Variants in ROBO2 observed in about 807,000 individuals in gnomAD.
The protein encoded by ROBO2 is roundabout guidance receptor 2.
ROBO2 carries 53 observed loss-of-function variants against 160.8 expected under a neutral mutation model. The observed-to-expected ratio is 0.33, with a 90% confidence interval of 0.26 to 0.41. The LOEUF (loss-of-function observed/expected upper bound fraction) is 0.41. Ranked by LOEUF, ROBO2 falls within the 10% of genes least tolerant of loss-of-function variation. The pLI is 1.00. For synonymous variants in ROBO2, 664 were observed against 611.7 expected (o/e 1.09, Z -1.26); for missense variants, 1,577 against 1,722.4 (o/e 0.92, Z 1.49).
chr3:76,071,223 T>C (rs2068443147), intron 2 of ROBO2, among the ~76,000 whole-genome samples: 1 of 152,210 alleles, frequency 6.6e-6, no homozygotes, highest in East Asian at 1.9e-4. Context: ...CATAAATGCT[T>C]TCTTGAGATC....
intron 2 of ROBO2, among the ~76,000 whole-genome samples, chr3:77,228,040 T>G (rs1035663760): frequency 1.3e-5 from 2 of 152,216 alleles, no homozygotes; most frequent in African/African-American, 4.8e-5. Context: ...ATGTTTGACT[T>G]CCTATTTGAC....
chr3:76,736,206 C>T (rs927938172), intron 2 of ROBO2, among the ~76,000 whole-genome samples: 83 of 151,426 alleles, frequency 5.5e-4, no homozygotes, highest in African/African-American at 1.9e-3. Flanking sequence ...GGGGGGAACC[C>T]GGGAGGCGGA....
intron 2 of ROBO2, among the ~76,000 whole-genome samples, chr3:77,374,533 C>A (rs2072352127): frequency 6.6e-6 from 1 of 152,068 alleles, no homozygotes; most frequent in Non-Finnish European, 1.5e-5. Context: ...AAAATATTGC[C>A]ATTTAAACTT....
chr3:77,020,636 C>G (rs747444933), intron 2 of ROBO2, among the ~76,000 whole-genome samples: 1 of 152,102 alleles, frequency 6.6e-6, no homozygotes, highest in African/African-American at 2.4e-5. Flanking sequence ...TATCTAATAT[C>G]AACAACCAAA....
intron 1 of ROBO2, among the ~76,000 whole-genome samples, chr3:77,056,139 C>T (rs2065720616): frequency 6.6e-6 from 1 of 152,124 alleles, no homozygotes; most frequent in Non-Finnish European, 1.5e-5. Context: ...AAACAAGTTA[C>T]AACAAGATAA....
intron 2 of ROBO2, among the ~76,000 whole-genome samples, chr3:76,990,619 T>A (rs1217576757): frequency 6.6e-6 from 1 of 152,096 alleles, no homozygotes; most frequent in Non-Finnish European, 1.5e-5. Context: ...TTAGGGACCA[T>A]CAGGTGATGG....
chr3:76,225,740 A>C (rs899524735), intron 2 of ROBO2, among the ~76,000 whole-genome samples: 1 of 152,142 alleles, frequency 6.6e-6, no homozygotes, highest in African/African-American at 2.4e-5. Context: ...AAATAAAATA[A>C]AATAAAAATT....
chr3:77,135,922 T>C (rs1372330920), intron 2 of ROBO2, among the ~76,000 whole-genome samples: 1 of 152,212 alleles, frequency 6.6e-6, no homozygotes, highest in African/African-American at 2.4e-5. Flanking sequence ...AATTATTCAA[T>C]TGCTTAAAGT....
intron 2 of ROBO2, among the ~76,000 whole-genome samples, chr3:77,322,661 T>C (rs571122687): frequency 3.1e-4 from 46 of 150,130 alleles, no homozygotes; most frequent in Admixed American, 1.3e-3. Flanking sequence ...CTATATTTTA[T>C]AGATATTTTC....
chr3:76,342,342 TC>T (rs2074278221), intron 2 of ROBO2, among the ~76,000 whole-genome samples: 1 of 152,122 alleles, frequency 6.6e-6, no homozygotes, highest in Non-Finnish European at 1.5e-5. Context: ...TCTTTGTTAC[TC>T]CCAGCACAGC....
intron 2 of ROBO2, among the ~76,000 whole-genome samples, chr3:76,036,592 C>T (rs1379151043): frequency 3.3e-5 from 5 of 151,862 alleles, no homozygotes; most frequent in Admixed American, 2.6e-4. Flanking sequence ...GCAACCTCTG[C>T]CTCCCAGGCT....
At chr3:76,065,186 G>A (rs187452200) in intron 2 of ROBO2, among the ~76,000 whole-genome samples, 13 of 152,106 alleles carry the variant, frequency 8.5e-5, no homozygotes, top group Middle Eastern at 3.4e-3. Context: ...GTATCTCTCC[G>A]TTGTCAGAGT....
intron 2 of ROBO2, among the ~76,000 whole-genome samples, chr3:77,414,609 T>G (rs1049953938): frequency 6.6e-6 from 1 of 151,974 alleles, no homozygotes; most frequent in Admixed American, 6.6e-5. Flanking sequence ...TAGGCACAAG[T>G]GTAGAAGTGA....
In ROBO2 at chr3:77,441,052, C is replaced by G. The variant is rs139657538; in HGVS notation, c.389-36362C>G. ...CTGCTGATTGTGGAAAGACAATGTC[C>G]AAGGGAAGACTGACATACAAATGAG... On this transcript the variant is annotated intron_variant, in intron 2 of 25. Coordinates refer to ENST00000461745, the Ensembl canonical transcript of ROBO2. 4.6e-5 allele frequency among the ~76,000 whole-genome samples: 7 copies of G among 152,106 alleles called. No individual in the cohort carries two copies. The East Asian group carries it at 1.4e-3, about 29-fold the overall frequency.
chr3:76,655,439 C>CATATATATATATATATATATATAT (rs747521584), intron 2 of ROBO2, among the ~76,000 whole-genome samples: 2,008 of 57,440 alleles, frequency 0.035, 278 homozygotes, highest in East Asian at 0.1. Context: ...GATTTTTTTC[C>CATATATATATATATATATATATAT]ATATATATAT....
At chr3:76,401,103 C>G (rs963322424) in intron 2 of ROBO2, among the ~76,000 whole-genome samples, 4 of 151,496 alleles carry the variant, frequency 2.6e-5, no homozygotes, top group Admixed American at 1.3e-4. Context: ...TGCCTGTTTT[C>G]TTCTCCTCTG....
At chr3:76,534,770 A>G (rs937801319) in intron 2 of ROBO2, among the ~76,000 whole-genome samples, 1 of 152,126 alleles carries the variant, frequency 6.6e-6, no homozygotes, top group Non-Finnish European at 1.5e-5. Flanking sequence ...ATCTTGTGTC[A>G]GAGTAAATCC....
At chr3:76,464,304 C>T (rs1161881408) in intron 2 of ROBO2, among the ~76,000 whole-genome samples, 1 of 152,158 alleles carries the variant, frequency 6.6e-6, no homozygotes, top group Non-Finnish European at 1.5e-5. Context: ...GGCAACACCT[C>T]TACTCCCAAG....
At chr3:76,046,850 T>A (rs1033627760) in intron 2 of ROBO2, among the ~76,000 whole-genome samples, 7 of 150,576 alleles carry the variant, frequency 4.6e-5, no homozygotes, top group African/African-American at 7.5e-5. Context: ...CATTTCCTCC[T>A]TTGTGCATGT....
Sources: allele counts gnomAD v4.1 joint callset (sites outside exome capture counted in the v4.1 genomes callset), GRCh38; gene constraint gnomAD v4.1.1; transcripts MANE v1.5; gene names NCBI Gene and HGNC (gene_info 2026-07-23, HGNC 2026-07-21).